The following TBCD variants were observed in gnomAD, a reference collection of about 807,000 sequenced individuals.
The protein encoded by TBCD is tubulin-specific chaperone D.
Under a neutral mutation model 169.3 loss-of-function variants are expected in TBCD, and 105 were observed. The ratio of observed to expected loss-of-function variants is 0.62; its 90% CI spans 0.53 to 0.73. The LOEUF is 0.73. Ranked by LOEUF, TBCD falls within the 30% of genes least tolerant of loss-of-function variation. The pLI is 0.00. For synonymous variants in TBCD, 700 were observed against 643.9 expected, an observed-to-expected ratio of 1.09 and a Z score of -1.32; for missense variants, 1,444 against 1,600.1, an observed-to-expected ratio of 0.90 and a Z score of 1.66.
intron 14 of TBCD, among the ~76,000 whole-genome samples, chr17:82,877,147 G>C (rs1599137988): frequency 6.6e-6 from 1 of 152,212 alleles, no homozygotes; most frequent in South Asian, 2.1e-4. Flanking sequence ...CGGCAATAAA[G>C]ATAGAAGCCT....
intron 13 of TBCD, among the ~76,000 whole-genome samples, chr17:82,851,616 G>A (rs982936050): frequency 1.3e-5 from 2 of 152,184 alleles, no homozygotes; most frequent in African/African-American, 2.4e-5. Context: ...TGCACAGGGC[G>A]GGTGGGAAGA....
In TBCD at chr17:82,875,621, C is replaced by G. The variant is rs372456257; in HGVS notation, c.1475+5241C>G. On this transcript the variant is annotated intron_variant, in intron 14 of 38. Transcript: ENST00000355528. ...GCGGCGCGGCCCAGGGAGGATCCGCCGAGGCCTGCAGATCCGAGATCTCTT... is the reference window on the plus strand; with the variant it reads ...GCGGCGCGGCCCAGGGAGGATCCGCGGAGGCCTGCAGATCCGAGATCTCTT... Among the ~76,000 whole-genome samples the G allele has an allele frequency of 4.6e-5, 7 of 152,260 alleles. No homozygotes were observed. In the East Asian group the frequency reaches 1.2e-3, roughly 25 times the overall value.
intron 23 of TBCD, among the ~76,000 whole-genome samples, chr17:82,917,785 C>T (rs888881455): frequency 1.3e-5 from 2 of 152,218 alleles, no homozygotes; most frequent in African/African-American, 2.4e-5. Context: ...CCTGGACTCC[C>T]GTTCTCCTGC....
intron 15 of TBCD, among the ~76,000 whole-genome samples, chr17:82,885,866 G>A (rs11658422): frequency 0.25 from 38,456 of 152,064 alleles, 4,858 homozygotes; most frequent in Middle Eastern, 0.31. Flanking sequence ...AACAGCCAAA[G>A]GTAAAAGACA....
At position 82,903,414 on chromosome 17, in the gene TBCD, A is replaced by G. The variant is rs2060022418; in HGVS notation, c.1740A>G (p.Arg580=). Residue 580 remains arginine (R), a synonymous_variant, in exon 19 of 39, where the codon CGA becomes CGG. Coordinates refer to ENST00000355528, the MANE Select transcript of TBCD (RefSeq NM_005993.5). The surrounding 1 kb of genome is among the most constrained non-coding windows in gnomAD (Gnocchi z 4.8). ...CTCTCCTCACTCTCAGGGTCATCCG[A>G]GAGTTGGCTGCGAGGGCGCTGCACA... ...MKISHWDGVI[R]ELAARALHNL... 6.2e-7 allele frequency: 1 copy of G among 1,602,730 alleles called. No homozygotes were observed. The highest frequency in any genetic ancestry group is 8.5e-7 in the Non-Finnish European group (1 of 1,174,734).
At chr17:82,937,612 G>GA in intron 35 of TBCD, 1 of 492,148 alleles carries the variant, frequency 2.0e-6, no homozygotes, top group Non-Finnish European at 3.4e-6. Flanking sequence ...CCTGGCGGGA[G>GA]GGGAGGCTCC....
intron 1 of TBCD, among the ~76,000 whole-genome samples, chr17:82,754,360 A>G (rs1338515972): frequency 1.3e-5 from 2 of 152,196 alleles, no homozygotes; most frequent in Non-Finnish European, 1.5e-5. Context: ...TGGAGCTATC[A>G]TGGGTCCGTG....
At chr17:82,894,527 A>T (rs1289004662) in intron 17 of TBCD, among the ~76,000 whole-genome samples, 1 of 152,246 alleles carries the variant, frequency 6.6e-6, no homozygotes, top group Admixed American at 6.5e-5. Flanking sequence ...CTCCGTCACC[A>T]GCCTGGGCAG....
chr17:82,803,713 C>A (rs530271979), intron 9 of TBCD, among the ~76,000 whole-genome samples: 20 of 152,292 alleles, frequency 1.3e-4, no homozygotes, highest in Non-Finnish European at 2.6e-4. Flanking sequence ...TTAAGTCTTC[C>A]GTCCGAGTCT....
At chr17:82,824,343 G>A (rs371196411) in intron 13 of TBCD, among the ~76,000 whole-genome samples, 10 of 151,756 alleles carry the variant, frequency 6.6e-5, no homozygotes, top group Admixed American at 6.6e-4. Flanking sequence ...CACCATGCCC[G>A]GCTAATTCGT....
At chr17:82,767,982 A>T (rs1329351584) in intron 4 of TBCD, among the ~76,000 whole-genome samples, 1 of 150,442 alleles carries the variant, frequency 6.6e-6, no homozygotes, top group Non-Finnish European at 1.5e-5. Flanking sequence ...TCCTGACCTC[A>T]GGTGATCCGC....
At position 82,922,931 on chromosome 17, in the gene TBCD, G is replaced by A. The variant is rs556667423; in HGVS notation, c.2179-721G>A. ...CGAGGAGACAGTGGCACTGAGCCCC[G>A]CACGCGGCGGGACTGGTGACTCTCT... is the stretch of plus-strand genomic sequence containing the variant. On this transcript the variant is annotated intron_variant, in intron 25 of 38. Transcript: ENST00000355528. This position sits in a 1 kb window ranked among gnomAD's most constrained non-coding sequence, Gnocchi z 4.1. 2.0e-4 allele frequency among the ~76,000 whole-genome samples: 30 copies of A among 152,380 alleles called. No homozygotes were observed. Among genetic ancestry groups the A allele is most frequent in the South Asian group, 1.0e-3 (5 of 4,830 alleles).
At chr17:82,916,941 C>T (rs534658040) in intron 23 of TBCD, among the ~76,000 whole-genome samples, 159 of 152,108 alleles carry the variant, frequency 1.0e-3, no homozygotes, top group African/African-American at 3.6e-3. Context: ...TCTGGATCAC[C>T]GCACTTAATT....
chr17:82,923,531 A>T lies in TBCD; in HGVS notation c.2179-121A>T. Reference sequence around the variant, plus strand: ...GTCAGGCAGGGGCTGCTCTGACCTCAGGGTGACCACGGTGTCCCTGGTCAG... The same window carrying T: ...GTCAGGCAGGGGCTGCTCTGACCTCTGGGTGACCACGGTGTCCCTGGTCAG... On this transcript the variant is annotated intron_variant, in intron 25 of 38. Transcript: ENST00000355528. The surrounding 1 kb of genome is among the most constrained non-coding windows in gnomAD (Gnocchi z 4.6). 1 of 805,102 alleles carries T rather than the reference A, an allele frequency of 1.2e-6. No homozygotes were observed. The highest frequency in any genetic ancestry group is 2.0e-6 in the Non-Finnish European group (1 of 497,900). 49.9% of individuals were successfully genotyped at this position (805,102 alleles called of 1,614,324 possible). A position where few individuals can be genotyped will look rare whatever the true frequency, so the allele number is the denominator to read the frequency against.
chr17:82,817,602 G>A (rs992687382), intron 13 of TBCD, among the ~76,000 whole-genome samples: 1 of 152,034 alleles, frequency 6.6e-6, no homozygotes, highest in Non-Finnish European at 1.5e-5. Context: ...TGGCCTTCAT[G>A]CCTGGCTAAT....
At chr17:82,819,702 CTT>C (rs936117262) in intron 13 of TBCD, among the ~76,000 whole-genome samples, 1 of 152,184 alleles carries the variant, frequency 6.6e-6, no homozygotes, top group African/African-American at 2.4e-5. Flanking sequence ...TTCTTTTTCT[CTT>C]TGCATCATCA....
At chr17:82,887,720 G>A (rs936160143) in intron 15 of TBCD, among the ~76,000 whole-genome samples, 4 of 152,174 alleles carry the variant, frequency 2.6e-5, no homozygotes, top group East Asian at 1.9e-4. Flanking sequence ...CCACCTGCCC[G>A]CAGCCCTGCC....
chr17:82,928,981 C>T, intron 30 of TBCD, 132 bp from the exon 31 acceptor site: 2 of 1,173,674 alleles, frequency 1.7e-6, no homozygotes, highest in Non-Finnish European at 2.4e-6. Flanking sequence ...ACTCAGCCAC[C>T]ATGTCCCGAG....
chr17:82,800,288 C>T (rs868736854), intron 8 of TBCD, among the ~76,000 whole-genome samples: 9 of 152,350 alleles, frequency 5.9e-5, no homozygotes, highest in African/African-American at 2.2e-4. Context: ...CAGGCTCTCC[C>T]TGTCGTGCTG....
Sources: gnomAD v4.1 joint callset for allele counts (sites outside exome capture counted in the v4.1 genomes callset) on GRCh38, gnomAD v4.1.1 for gene constraint, Gnocchi (gnomAD v3.1) non-coding constraint, MANE v1.5 for transcripts, NCBI Gene and HGNC (gene_info 2026-07-23, HGNC 2026-07-21) for gene names.